Variants in IPO9 observed in about 807,000 individuals in gnomAD.
The protein encoded by IPO9 is importin-9.
A neutral mutation model predicts 128.6 loss-of-function variants in IPO9; 28 were observed. That is an observed-to-expected ratio of 0.22 (90% CI 0.16 to 0.30). IPO9 has a LOEUF of 0.30. Ranked by LOEUF, IPO9 falls within the 10% of genes least tolerant of loss-of-function variation. The pLI, the probability that IPO9 is intolerant of heterozygous loss-of-function variation, is 1.00. For synonymous variants in IPO9, 455 were observed against 475.8 expected (o/e 0.96, Z 0.57); for missense variants, 935 against 1,293.9 (o/e 0.72, Z 4.26).
At chr1:201,837,912 A>C (rs1243385046) in intron 1 of IPO9, among the ~76,000 whole-genome samples, 1 of 152,120 alleles carries the variant, frequency 6.6e-6, no homozygotes, top group Non-Finnish European at 1.5e-5. Context: ...TTCTACTCAA[A>C]CTACAAAATT....
chr1:201,875,198 G>A lies in IPO9; in HGVS notation c.2985G>A (p.Leu995=). ...ATGAGGAAGATGACCCTGATGCCCT[G>A]AAGGATCCTCTCTATCAGATTGATC... ...EDDEEDDPDA[L]KDPLYQIDLQ... The change falls in exon 23 of 24, where the codon CTG becomes CTA. Residue 995 remains leucine (L), a synonymous_variant. Coordinates refer to ENST00000361565, the MANE Select transcript of IPO9 (RefSeq NM_018085.5). 6.2e-7 allele frequency: 1 copy of A among 1,614,162 alleles called. No homozygotes were observed. The highest frequency in any genetic ancestry group is 8.5e-7 in the Non-Finnish European group (1 of 1,179,964).
Position 201,859,083 on chromosome 1 carries a change from T to A in IPO9, c.1468+89T>A, listed in dbSNP as rs866019938. The A allele has an allele frequency of 2.5e-4, 336 of 1,352,744 alleles. 6 individuals are homozygous for A. In the Middle Eastern group the frequency reaches 4.8e-3, roughly 19 times the overall value. 83.8% of individuals were successfully genotyped at this position (1,352,744 alleles called of 1,614,324 possible). A position where few individuals can be genotyped will look rare whatever the true frequency, so the allele number is the denominator to read the frequency against. On this transcript the variant is annotated intron_variant, in intron 13 of 23. Transcript: ENST00000361565. ...GATCAGCATTAGGAGATATACCTGA[T>A]GTAAGTGACAAGTTAATGGGTGCAG...
intron 15 of IPO9, among the ~76,000 whole-genome samples, chr1:201,867,830 A>G (rs1680582959): frequency 6.6e-6 from 1 of 152,164 alleles, no homozygotes; most frequent in South Asian, 2.1e-4. Context: ...AATGTGATAT[A>G]CTGAACATGT....
At chr1:201,840,453 G>A (rs1680015805) in intron 1 of IPO9, among the ~76,000 whole-genome samples, 2 of 152,274 alleles carry the variant, frequency 1.3e-5, no homozygotes, top group South Asian at 4.1e-4. Flanking sequence ...GTACAAATTG[G>A]TGCAATCCTT....
rs905853485 is a variant in IPO9 at position 201,877,089 on chromosome 1, C to T, written c.*1035C>T. The T allele has an allele frequency of 1.3e-5, 2 of 152,348 alleles. No individual in the cohort carries two copies. The highest frequency in any genetic ancestry group is 4.8e-5 in the African/African-American group (2 of 41,454). 9.4% of individuals were successfully genotyped at this position (152,348 alleles called of 1,614,324 possible). On this transcript the variant is annotated 3_prime_UTR_variant, in exon 24 of 24. Transcript: ENST00000361565. The stretch of plus-strand genomic sequence containing the variant: ...AAACATTCTAGTGTGTCTTGGCAAA[C>T]ATAGCCTGAAATGATTCTTAAAGAA...
chr1:201,870,736 G>C lies in IPO9; in HGVS notation c.2287G>C (p.Val763Leu). ...CACCTCAGAGTTCACTGCGGCCTTT[G>C]TGGGCCGCCTTGTTTCCACCCTCAT... ...PRTSEFTAAF[V>L]GRLVSTLISK... Residue 763 changes from valine (V) to leucine (L), a missense_variant, in exon 18 of 24, where the codon GTG becomes CTG. Val to Leu is a conservative substitution (Grantham distance 32). Around this residue, in one of 3 missense-constraint regions of IPO9, gnomAD observed 741 missense variants for 1,019.1 expected, o/e 0.73. Coordinates refer to ENST00000361565, the MANE Select transcript of IPO9 (RefSeq NM_018085.5). The surrounding 1 kb of genome is among the most constrained non-coding windows in gnomAD (Gnocchi z 4.9). 1 of 1,614,210 alleles carries C rather than the reference G, an allele frequency of 6.2e-7. No homozygotes were observed. Among genetic ancestry groups the C allele is most frequent in the African/African-American group, 1.3e-5 (1 of 75,052 alleles).
intron 1 of IPO9, among the ~76,000 whole-genome samples, chr1:201,836,119 CAAAAAAAAAA>C (rs34447985): frequency 7.2e-5 from 4 of 55,352 alleles, no homozygotes; most frequent in African/African-American, 3.3e-4. Context: ...GACTCCATCT[CAAAAAAAAAA>C]AAAAAAAAAA....
chr1:201,870,987 T>C lies in IPO9; in HGVS notation c.2409+129T>C. 4 of 1,314,814 alleles carry C rather than the reference T, an allele frequency of 3.0e-6. No homozygotes were observed. The highest frequency in any genetic ancestry group is 4.1e-6 in the Non-Finnish European group (4 of 966,318). 81.4% of individuals were successfully genotyped at this position (1,314,814 alleles called of 1,614,324 possible). On this transcript the variant is annotated intron_variant, in intron 18 of 23. Transcript: ENST00000361565. The surrounding 1 kb of genome is among the most constrained non-coding windows in gnomAD (Gnocchi z 4.9). ...TAGGACAGTTAAGTAAAATGGGACC[T>C]GTCTGATCTGTTTGGCCTAAGAAAC...
Position 201,880,380 on chromosome 1 carries a change from A to G in IPO9, c.*4326A>G, listed in dbSNP as rs1680862716. On this transcript the variant is annotated 3_prime_UTR_variant, in exon 24 of 24. Transcript: ENST00000361565. The stretch of plus-strand genomic sequence containing the variant: ...GGTGCTCAACCGGAGGCTCCCTGAC[A>G]GATGAGTCCTCTGCCAGAGGAAGGC... 1 of 152,212 alleles carries G rather than the reference A, an allele frequency of 6.6e-6. No homozygotes were observed. Among genetic ancestry groups the G allele is most frequent in the Non-Finnish European group, 1.5e-5 (1 of 68,036 alleles). The allele number at this position is 152,212 out of a possible 1,614,324, so 9.4% of individuals were successfully genotyped here. A position where few individuals can be genotyped will look rare whatever the true frequency, so the allele number is the denominator to read the frequency against.
Position 201,863,433 on chromosome 1 carries a change from C to A in IPO9, c.1469-15C>A. On this transcript the variant is annotated splice_polypyrimidine_tract_variant and intron_variant, in intron 13 of 23. Transcript: ENST00000361565. Reference sequence around the variant, plus strand: ...TTTCATTTTCCAGCCCCTAATTGTTCTGTCTTTCTCCCAGTGTCTCCTTTC... The same window carrying A: ...TTTCATTTTCCAGCCCCTAATTGTTATGTCTTTCTCCCAGTGTCTCCTTTC... The A allele has an allele frequency of 1.9e-6, 3 of 1,552,756 alleles. No individual in the cohort carries two copies. Among genetic ancestry groups the A allele is most frequent in the South Asian group, 1.2e-5 (1 of 85,098 alleles).
At chr1:201,865,229 C>T (rs1044970992) in intron 14 of IPO9, among the ~76,000 whole-genome samples, 3 of 135,084 alleles carry the variant, frequency 2.2e-5, no homozygotes, top group African/African-American at 2.8e-5. Flanking sequence ...TTTTCTGAGA[C>T]GGAGTCTTGC....
chr1:201,880,720 G>A lies in IPO9; in HGVS notation c.*4666G>A, dbSNP rs574840954. On this transcript the variant is annotated 3_prime_UTR_variant, in exon 24 of 24. Coordinates refer to ENST00000361565, the MANE Select transcript of IPO9 (RefSeq NM_018085.5). ...CCTCAAGGAGCTAGTCTAGTAGGGGGTCAGAAATACAGATGGGCCTGAACA... is the reference window on the plus strand; with the variant it reads ...CCTCAAGGAGCTAGTCTAGTAGGGGATCAGAAATACAGATGGGCCTGAACA... The A allele has an allele frequency of 6.6e-6, 1 of 152,326 alleles. No individual in the cohort carries two copies. Among genetic ancestry groups the A allele is most frequent in the African/African-American group, 2.4e-5 (1 of 41,568 alleles). The allele number at this position is 152,326 out of a possible 1,614,324, so 9.4% of individuals were successfully genotyped here. A position where few individuals can be genotyped will look rare whatever the true frequency, so the allele number is the denominator to read the frequency against.
chr1:201,865,303 G>A (rs1680532375), intron 14 of IPO9, among the ~76,000 whole-genome samples: 1 of 151,424 alleles, frequency 6.6e-6, no homozygotes, highest in Non-Finnish European at 1.5e-5. Flanking sequence ...CTGCCTCCTG[G>A]GTTCAAGCAA....
chr1:201,852,164 A>G lies in IPO9; in HGVS notation c.575A>G (p.Glu192Gly). Residue 192 changes from glutamate (E) to glycine (G), a missense_variant, in exon 5 of 24, where the codon GAG (glutamate) becomes GGG (glycine). Physicochemically the swap from Glu to Gly is moderately conservative, Grantham distance 98. Transcript: ENST00000361565. ...CTTGTTGCTCCTGTCATTCTCCCAGAGATGTATAAGATCTTCACCATGGCT... is the reference window on the plus strand; with the variant it reads ...CTTGTTGCTCCTGTCATTCTCCCAGGGATGTATAAGATCTTCACCATGGCT... ...MPLVAPVILP[E>G]MYKIFTMAEV... The G allele has an allele frequency of 6.2e-7, 1 of 1,612,092 alleles. No homozygotes were observed. Among genetic ancestry groups the G allele is most frequent in the Non-Finnish European group, 8.5e-7 (1 of 1,178,248 alleles).
At chr1:201,837,088 G>A (rs1248858850) in intron 1 of IPO9, among the ~76,000 whole-genome samples, 1 of 152,100 alleles carries the variant, frequency 6.6e-6, no homozygotes, top group Non-Finnish European at 1.5e-5. Flanking sequence ...GGCTAACTTG[G>A]GTTTTTGGCC....
chr1:201,846,195 T>G (rs886150924), intron 1 of IPO9, among the ~76,000 whole-genome samples: 2 of 152,224 alleles, frequency 1.3e-5, no homozygotes, highest in African/African-American at 4.8e-5. Context: ...AATGTGCAGT[T>G]CAAGTTCCAT....
intron 4 of IPO9, among the ~76,000 whole-genome samples, chr1:201,849,921 A>C (rs1261592474): frequency 3.9e-5 from 6 of 152,148 alleles, no homozygotes; most frequent in Non-Finnish European, 8.8e-5. Context: ...TCTGCATGGA[A>C]TTGGCCTTTT....
chr1:201,877,611 T>A lies in IPO9; in HGVS notation c.*1557T>A, dbSNP rs1438031333. 6.6e-6 allele frequency: 1 copy of A among 151,638 alleles called. No individual in the cohort carries two copies. Among genetic ancestry groups the A allele is most frequent in the African/African-American group, 2.4e-5 (1 of 41,236 alleles). The allele number at this position is 151,638 out of a possible 1,614,324, so 9.4% of individuals were successfully genotyped here. On this transcript the variant is annotated 3_prime_UTR_variant, in exon 24 of 24. Transcript: ENST00000361565. ...ATAACCACAGGATATTTCTTTAGAT[T>A]GATATTCTCACAAAGAAGAAATAGA...
Position 201,866,922 on chromosome 1 carries a change from C to T in IPO9, c.1818C>T (p.Cys606=), listed in dbSNP as rs534591832. The change falls in exon 15 of 24, where the codon TGC becomes TGT. Residue 606 remains cysteine (C), a synonymous_variant. Transcript: ENST00000361565. ...EFTASMESKI[C]PFTIAIFLKY... is the part of the protein sequence containing the mutation. ...CAGCAAGCATGGAAAGCAAAATCTG[C>T]CCCTTCACCATCGCCATTTTCCTAA... The T allele has an allele frequency of 3.9e-4, 632 of 1,614,130 alleles. 8 individuals are homozygous for T. The South Asian group carries it at 6.5e-3, about 16-fold the overall frequency.
Sources: allele counts gnomAD v4.1 joint callset (sites outside exome capture counted in the v4.1 genomes callset), GRCh38; gene constraint gnomAD v4.1.1; regional missense constraint gnomAD v4.1.1; non-coding constraint Gnocchi (gnomAD v3.1); transcripts MANE v1.5; gene names NCBI Gene and HGNC (gene_info 2026-07-23, HGNC 2026-07-21).